MLPH: variants seen among roughly 807,000 people sequenced by gnomAD.
MLPH encodes the protein exophilin-3.
Under a neutral mutation model 72.1 loss-of-function variants are expected in MLPH, and 51 were observed. That is an observed-to-expected ratio of 0.71 (90% CI 0.56 to 0.89). The LOEUF (loss-of-function observed/expected upper bound fraction) is 0.89, where lower values mean the gene tolerates loss of function less well. Among genes scored for constraint, MLPH ranks in the 40% least tolerant of loss-of-function variants. The pLI, the probability that MLPH is intolerant of heterozygous loss-of-function variation, is 0.00. For synonymous variants in MLPH, 301 were observed against 310.1 expected (o/e 0.97, Z 0.31); for missense variants, 743 against 759.9 (o/e 0.98, Z 0.26).
chr2:237,513,102 T>TAAAAA (rs57193032), intron 4 of MLPH, among the ~76,000 whole-genome samples: 2 of 138,086 alleles, frequency 1.4e-5, no homozygotes, highest in Admixed American at 1.4e-4. Context: ...GCTGTGCCTT[T>TAAAAA]AAAAAAAAAA....
Position 237,518,525 on chromosome 2 carries a change from G to C in MLPH, c.446-14G>C. 1 of 1,603,624 alleles carries C rather than the reference G, an allele frequency of 6.2e-7. No homozygotes were observed. The highest frequency in any genetic ancestry group is 1.1e-5 in the South Asian group (1 of 89,800). The stretch of plus-strand genomic sequence containing the variant: ...GTTTGTCCTTGGGTGGAGTCATGCA[G>C]GTATCTATTGCAGCTGGGCCTGAAC... On this transcript the variant is annotated splice_polypyrimidine_tract_variant and intron_variant, in intron 4 of 15. Transcript: ENST00000264605.
rs1162290238 is a variant in MLPH at position 237,540,551 on chromosome 2, A to T, written c.1290+18A>T. 5 of 1,604,422 alleles carry T rather than the reference A, an allele frequency of 3.1e-6. No homozygotes were observed. The African/African-American group carries it at 6.7e-5, about 21-fold the overall frequency. On this transcript the variant is annotated intron_variant, in intron 10 of 15. Transcript: ENST00000264605. ...ACCCGGAGGTAAGACTATCCCCCAG[A>T]GGTCTCAGCAGGACCCTGCAGAGGT...
intron 1 of MLPH, among the ~76,000 whole-genome samples, chr2:237,490,291 C>CT (rs2079403421): frequency 1.3e-5 from 2 of 151,588 alleles, no homozygotes; most frequent in Admixed American, 6.6e-5. Flanking sequence ...ATTGCACTAT[C>CT]GCACTGCAGC....
chr2:237,496,430 C>G (rs1334749704), intron 2 of MLPH, among the ~76,000 whole-genome samples: 3 of 152,164 alleles, frequency 2.0e-5, no homozygotes, highest in Non-Finnish European at 4.4e-5. Flanking sequence ...CCTTCTGACA[C>G]CCGTCTTTCC....
intron 2 of MLPH, chr2:237,507,264 A>G: frequency 6.6e-6 from 1 of 151,732 alleles, no homozygotes; most frequent in East Asian, 1.9e-4. Context: ...ACAGGGTTTC[A>G]CCACATTGGC....
chr2:237,546,831 C>A, intron 13 of MLPH, 148 bp downstream of exon 13: 1 of 740,740 alleles, frequency 1.3e-6, no homozygotes, highest in Non-Finnish European at 2.4e-6. Flanking sequence ...TGCCACAACA[C>A]CGTGGCAACT....
At chr2:237,489,320 G>A (rs1447045085) in intron 1 of MLPH, among the ~76,000 whole-genome samples, 1 of 152,222 alleles carries the variant, frequency 6.6e-6, no homozygotes, top group Non-Finnish European at 1.5e-5. Context: ...GCAAGTTGGT[G>A]GGCAGGTGGC....
chr2:237,541,049 C>T lies in MLPH; in HGVS notation c.1446+92C>T. On this transcript the variant is annotated intron_variant, in intron 11 of 15. Transcript: ENST00000264605. This position sits in a 1 kb window ranked among gnomAD's most constrained non-coding sequence, Gnocchi z 5.1. ...GAACATCTGCCAGCTCTAACATCCG[C>T]CAGCTCACACTGAGCCCTCCCCATT... 1 of 1,469,952 alleles carries T rather than the reference C, an allele frequency of 6.8e-7. No individual in the cohort carries two copies. The highest frequency in any genetic ancestry group is 9.3e-7 in the Non-Finnish European group (1 of 1,076,246). 91.1% of individuals were successfully genotyped at this position (1,469,952 alleles called of 1,614,324 possible).
Position 237,553,754 on chromosome 2 carries a change from C to A in MLPH, c.*162C>A, listed in dbSNP as rs200537607. On this transcript the variant is annotated 3_prime_UTR_variant, in exon 16 of 16. Coordinates refer to ENST00000264605, the MANE Select transcript of MLPH (RefSeq NM_024101.7). ...TGGACTCCCACCTGCAAGTGGACAG[C>A]GACATTCAGTCCTGCACTGCTCACC... The A allele has an allele frequency of 1.0e-6, 1 of 953,642 alleles. No individual in the cohort carries two copies. The highest frequency in any genetic ancestry group is 1.6e-5 in the African/African-American group (1 of 62,316). 59.1% of individuals were successfully genotyped at this position (953,642 alleles called of 1,614,324 possible).
chr2:237,530,211 G>A (rs2106350574), intron 8 of MLPH, among the ~76,000 whole-genome samples: 1 of 140,400 alleles, frequency 7.1e-6, no homozygotes, highest in South Asian at 2.2e-4. Flanking sequence ...CTCACGAGTG[G>A]GCAACAGGAA....
At chr2:237,495,684 G>A (rs549504803) in intron 2 of MLPH, among the ~76,000 whole-genome samples, 22 of 152,066 alleles carry the variant, frequency 1.4e-4, no homozygotes, top group Non-Finnish European at 2.8e-4. Flanking sequence ...ACTCTCCCTC[G>A]GCCCTGGACC....
chr2:237,497,742 T>C (rs2079564522), intron 2 of MLPH, among the ~76,000 whole-genome samples: 1 of 152,244 alleles, frequency 6.6e-6, no homozygotes, highest in African/African-American at 2.4e-5. Context: ...TCATTGCTAA[T>C]CTGTGCGTTT....
intron 14 of MLPH, among the ~76,000 whole-genome samples, chr2:237,549,611 T>A (rs913816645): frequency 1.3e-5 from 2 of 152,200 alleles, no homozygotes; most frequent in Non-Finnish European, 2.9e-5. Flanking sequence ...CATTTAGCCT[T>A]CCTTGAAGGC....
At chr2:237,525,255 G>A (rs1275029234) in intron 6 of MLPH, among the ~76,000 whole-genome samples, 1 of 152,242 alleles carries the variant, frequency 6.6e-6, no homozygotes, top group East Asian at 1.9e-4. Context: ...CCCTGCCCAC[G>A]TCCTCAGAGC....
chr2:237,523,542 G>T (rs1356417965), intron 6 of MLPH, among the ~76,000 whole-genome samples: 1 of 152,136 alleles, frequency 6.6e-6, no homozygotes, highest in East Asian at 1.9e-4. Context: ...CTATTGTTAG[G>T]TCCACAATCT....
Position 237,540,371 on chromosome 2 carries a change from G to A in MLPH, c.1128G>A (p.Thr376=), listed in dbSNP as rs533740423. 4.4e-5 allele frequency: 71 copies of A among 1,613,716 alleles called. No individual in the cohort carries two copies. The South Asian group carries it at 5.7e-4, about 13-fold the overall frequency. ...AGGGTCTAGGTGCTGGAGTGCGCAC[G>A]GAGGCCGATGTAGAGGAGGAGGCCC... ...LAKGLGAGVR[T]EADVEEEALR... is the part of the protein sequence containing the mutation. The change falls in exon 10 of 16, where the codon ACG becomes ACA. Residue 376 remains threonine (T), a synonymous_variant. Coordinates refer to ENST00000264605, the MANE Select transcript of MLPH (RefSeq NM_024101.7).
Position 237,552,597 on chromosome 2 carries a change from C to T in MLPH, c.1776+160C>T, listed in dbSNP as rs546051318. On this transcript the variant is annotated intron_variant, in intron 15 of 15. Coordinates refer to ENST00000264605, the MANE Select transcript of MLPH (RefSeq NM_024101.7). ...AAAAGTAAAGTAAAATCTTTGCCAA[C>T]GAGGGCTTGAAAATCTAAATACTTT... Among the ~76,000 whole-genome samples the T allele has an allele frequency of 1.4e-4, 21 of 152,272 alleles. No individual in the cohort carries two copies. The South Asian group carries it at 3.7e-3, about 27-fold the overall frequency.
chr2:237,515,251 C>G (rs2079989574), intron 4 of MLPH, among the ~76,000 whole-genome samples: 1 of 152,154 alleles, frequency 6.6e-6, no homozygotes, highest in Non-Finnish European at 1.5e-5. Flanking sequence ...AGTGAGGTCT[C>G]CATCTCGCAG....
At chr2:237,487,209 C>A (rs2079332242), upstream of MLPH, 1 of 152,232 alleles carries the variant, frequency 6.6e-6, no homozygotes, top group African/African-American at 2.4e-5. Context: ...CGGAGCGGGG[C>A]GCAGCCCACG....
Sources: gnomAD v4.1 joint callset for allele counts (sites outside exome capture counted in the v4.1 genomes callset) on GRCh38, gnomAD v4.1.1 for gene constraint, Gnocchi (gnomAD v3.1) non-coding constraint, MANE v1.5 for transcripts, NCBI Gene and HGNC (gene_info 2026-07-23, HGNC 2026-07-21) for gene names.